The following FHIT variants were observed in gnomAD, a reference collection of about 807,000 sequenced individuals.
The protein encoded by FHIT is fragile histidine triad diadenosine triphosphatase, also known as bis(5'-adenosyl)-triphosphatase.
FHIT carries 19 observed loss-of-function variants against 17.9 expected under a neutral mutation model. That is an observed-to-expected ratio of 1.06 (90% CI 0.74 to 1.56). The LOEUF is 1.56. Ranked by LOEUF, FHIT falls within the 40% of genes most tolerant of loss-of-function variation. The pLI, the probability that FHIT is intolerant of heterozygous loss-of-function variation, is 0.00. For synonymous variants in FHIT, 81 were observed against 69.7 expected (o/e 1.16, Z -0.81); for missense variants, 248 against 189.2 (o/e 1.31, Z -1.82).
chr3:60,989,729 T>C (rs918188543), intron 3 of FHIT, among the ~76,000 whole-genome samples: 2 of 152,332 alleles, frequency 1.3e-5, no homozygotes, highest in East Asian at 1.9e-4. Flanking sequence ...CTCTTTTATG[T>C]TTCCCTTTGA....
At chr3:60,063,170 C>A (rs1702362223) in intron 5 of FHIT, among the ~76,000 whole-genome samples, 1 of 152,182 alleles carries the variant, frequency 6.6e-6, no homozygotes, top group South Asian at 2.1e-4. Context: ...AGAACTTTAA[C>A]TTCTCATGAA....
chr3:60,273,904 G>A (rs1341069824), intron 5 of FHIT, among the ~76,000 whole-genome samples: 1 of 152,076 alleles, frequency 6.6e-6, no homozygotes, highest in Non-Finnish European at 1.5e-5. Flanking sequence ...ATTAATAAAA[G>A]TATCTCATCT....
chr3:60,155,763 G>A (rs1052795976), intron 5 of FHIT, among the ~76,000 whole-genome samples: 6 of 152,108 alleles, frequency 3.9e-5, no homozygotes, highest in African/African-American at 1.4e-4. Flanking sequence ...TTTGCTGTTT[G>A]TGATTTGTGG....
At chr3:60,594,295 C>G (rs114659886) in intron 4 of FHIT, among the ~76,000 whole-genome samples, 2 of 152,072 alleles carry the variant, frequency 1.3e-5, no homozygotes, top group Non-Finnish European at 2.9e-5. Context: ...ACAGCGAACA[C>G]AACCATTGTA....
intron 5 of FHIT, among the ~76,000 whole-genome samples, chr3:60,074,995 A>G (rs927584542): frequency 1.3e-5 from 2 of 152,052 alleles, no homozygotes; most frequent in African/African-American, 4.8e-5. Context: ...ACTCAACCAA[A>G]ATTTATTTTG....
intron 4 of FHIT, among the ~76,000 whole-genome samples, chr3:60,569,981 A>C: frequency 6.6e-6 from 1 of 151,970 alleles, no homozygotes; most frequent in Admixed American, 6.6e-5. Flanking sequence ...CCAGTGGTAC[A>C]ATCATTACTA....
At chr3:60,263,115 T>C (rs1386828198) in intron 5 of FHIT, among the ~76,000 whole-genome samples, 2 of 151,946 alleles carry the variant, frequency 1.3e-5, no homozygotes, top group Non-Finnish European at 2.9e-5. Context: ...TCATTAGTCA[T>C]TAGGGAAATG....
intron 2 of FHIT, among the ~76,000 whole-genome samples, chr3:61,074,305 T>C (rs1215852111): frequency 1.3e-5 from 2 of 152,112 alleles, no homozygotes; most frequent in East Asian, 3.9e-4. Flanking sequence ...ATGAGACATC[T>C]CTAACTGTAA....
At chr3:59,854,150 C>T (rs1232589868) in intron 8 of FHIT, among the ~76,000 whole-genome samples, 2 of 152,062 alleles carry the variant, frequency 1.3e-5, no homozygotes, top group East Asian at 1.9e-4. Context: ...AGTCGTTAGC[C>T]CTGCACTGCA....
chr3:59,964,492 G>A (rs1348487048), intron 7 of FHIT, among the ~76,000 whole-genome samples: 2 of 152,042 alleles, frequency 1.3e-5, no homozygotes, highest in Non-Finnish European at 2.9e-5. Flanking sequence ...AAAAATAAAG[G>A]GGTTTATACT....
At chr3:60,327,475 T>C (rs958004579) in intron 5 of FHIT, among the ~76,000 whole-genome samples, 3 of 152,200 alleles carry the variant, frequency 2.0e-5, no homozygotes, top group African/African-American at 7.2e-5. Context: ...CATGGCTATG[T>C]TCTAACAAAA....
intron 7 of FHIT, among the ~76,000 whole-genome samples, chr3:59,958,791 T>C (rs940838650): frequency 1.3e-5 from 2 of 152,194 alleles, no homozygotes; most frequent in African/African-American, 4.8e-5. Context: ...TTTTCTCCTC[T>C]TCCCTCACTC....
chr3:61,241,902 A>G lies in FHIT; in HGVS notation c.-213+9399T>C, dbSNP rs185104461. ...CCTAAAATAAGTGATTTTTAACTGC[A>G]GTTAACACTCTGGCAAAAACACTCT... On this transcript the variant is annotated intron_variant, in intron 1 of 9. Coordinates refer to ENST00000492590, the MANE Select transcript of FHIT (RefSeq NM_002012.4). Among the ~76,000 whole-genome samples the G allele has an allele frequency of 5.1e-3, 776 of 152,294 alleles. 9 individuals carry two copies. Among genetic ancestry groups the G allele is most frequent in the African/African-American group, 0.018 (744 of 41,564 alleles).
intron 8 of FHIT, among the ~76,000 whole-genome samples, chr3:59,841,646 CTCCAGAG>C (rs1701537124): frequency 6.6e-6 from 1 of 152,138 alleles, no homozygotes; most frequent in South Asian, 2.1e-4. Flanking sequence ...ACATCTTGTA[CTCCAGAG>C]TCCATCTCAG....
intron 3 of FHIT, among the ~76,000 whole-genome samples, chr3:60,996,500 C>T (rs936528679): frequency 1.3e-5 from 2 of 152,118 alleles, no homozygotes; most frequent in Admixed American, 6.5e-5. Flanking sequence ...GAGGACTCAA[C>T]CTAAATACTA....
intron 4 of FHIT, among the ~76,000 whole-genome samples, chr3:60,549,440 G>T (rs779814771): frequency 6.6e-6 from 1 of 152,130 alleles, no homozygotes; most frequent in Non-Finnish European, 1.5e-5. Flanking sequence ...CAACATTTAT[G>T]CATCTCTTTG....
intron 5 of FHIT, among the ~76,000 whole-genome samples, chr3:60,347,071 T>A (rs201517560): frequency 0.037 from 8 of 214 alleles, no homozygotes; most frequent in Non-Finnish European, 0.08. Context: ...TATTCTTGAA[T>A]TTTTTTTTTC....
At chr3:59,792,964 C>T (rs1039723327) in intron 8 of FHIT, among the ~76,000 whole-genome samples, 1 of 151,864 alleles carries the variant, frequency 6.6e-6, no homozygotes, top group Non-Finnish European at 1.5e-5. Context: ...ACAGGTTCCA[C>T]CTTACCCCAC....
intron 3 of FHIT, among the ~76,000 whole-genome samples, chr3:60,985,023 A>G (rs1001999534): frequency 6.6e-5 from 10 of 152,138 alleles, no homozygotes; most frequent in African/African-American, 2.4e-4. Context: ...GTGAGAATCT[A>G]GAGTTTGCCT....
Sources: allele counts gnomAD v4.1 joint callset (sites outside exome capture counted in the v4.1 genomes callset), GRCh38; gene constraint gnomAD v4.1.1; transcripts MANE v1.5; gene names NCBI Gene and HGNC (gene_info 2026-07-23, HGNC 2026-07-21).